Variants in INPP4B observed in about 807,000 individuals in gnomAD.
INPP4B encodes the protein inositol polyphosphate 4-phosphatase type II.
INPP4B carries 55 observed loss-of-function variants against 122.5 expected under a neutral mutation model. The observed-to-expected ratio is 0.45, with a 90% CI of 0.36 to 0.56. The LOEUF (loss-of-function observed/expected upper bound fraction) is 0.56. INPP4B is among the 20% of genes least tolerant of loss of function. The pLI is 0.00. For missense variants in INPP4B, 1,000 were observed against 1,097.7 expected (o/e 0.91, Z 1.26); for synonymous variants, 403 against 388.7 (o/e 1.04, Z -0.43).
intron 7 of INPP4B, among the ~76,000 whole-genome samples, chr4:142,333,021 A>C (rs374945719): frequency 0.01 from 1,526 of 150,454 alleles, 45 homozygotes; most frequent in African/African-American, 0.036. Context: ...AAAAAAAAAA[A>C]AAAAAACAAA....
intron 7 of INPP4B, among the ~76,000 whole-genome samples, chr4:142,379,570 A>G (rs769801311): frequency 6.6e-6 from 1 of 152,136 alleles, no homozygotes; most frequent in Non-Finnish European, 1.5e-5. Flanking sequence ...CATTCACATG[A>G]CTCCAAGGAA....
chr4:142,439,531 TG>T (rs1324159766), intron 3 of INPP4B, among the ~76,000 whole-genome samples: 2 of 152,238 alleles, frequency 1.3e-5, no homozygotes, highest in African/African-American at 2.4e-5. Context: ...TATTAATTTA[TG>T]TACCTATCTA....
At chr4:142,132,365 C>T (rs1357709690) in intron 18 of INPP4B, among the ~76,000 whole-genome samples, 1 of 151,976 alleles carries the variant, frequency 6.6e-6, no homozygotes, top group Non-Finnish European at 1.5e-5. Context: ...CCAGGCTGTG[C>T]ACAGGTCACT....
At chr4:142,621,276 T>C (rs1204327886) in intron 2 of INPP4B, among the ~76,000 whole-genome samples, 1 of 151,934 alleles carries the variant, frequency 6.6e-6, no homozygotes, top group Non-Finnish European at 1.5e-5. Context: ...GAATACTGTT[T>C]GTGAGAAACT....
intron 15 of INPP4B, among the ~76,000 whole-genome samples, chr4:142,184,906 T>C (rs1304741479): frequency 6.6e-6 from 1 of 152,134 alleles, no homozygotes; most frequent in Non-Finnish European, 1.5e-5. Flanking sequence ...CACCTTAGAT[T>C]TTCTCCTGCA....
At chr4:142,243,166 C>T (rs573704700) in intron 11 of INPP4B, among the ~76,000 whole-genome samples, 1 of 152,208 alleles carries the variant, frequency 6.6e-6, no homozygotes, top group South Asian at 2.1e-4. Flanking sequence ...ACTGAAAGAC[C>T]CCTTTATGTT....
chr4:142,732,512 CAG>C lies in INPP4B; in HGVS notation c.-253-6613_-253-6612del, dbSNP rs535998202. 3.1e-3 allele frequency among the ~76,000 whole-genome samples: 474 copies of C among 152,010 alleles called. 1 individual carries two copies. Among genetic ancestry groups the C allele is most frequent in the Non-Finnish European group, 5.5e-3 (377 of 67,952 alleles). The stretch of plus-strand genomic sequence containing the variant: ...GTAAATTTAGCAATGTTACTGAATT[CAG>C]AGTTATTTTACAAGAACAAATTATG... On this transcript the variant is annotated intron_variant, in intron 1 of 25. Coordinates refer to ENST00000262992, the MANE Select transcript of INPP4B (RefSeq NM_001101669.3).
intron 5 of INPP4B, among the ~76,000 whole-genome samples, chr4:142,411,768 T>C (rs1018451079): frequency 1.3e-5 from 2 of 152,156 alleles, no homozygotes; most frequent in African/African-American, 4.8e-5. Context: ...GATGCGCGTT[T>C]GTAATCCCAG....
chr4:142,072,839 A>G (rs1469554619), intron 25 of INPP4B, among the ~76,000 whole-genome samples: 1 of 152,060 alleles, frequency 6.6e-6, no homozygotes, highest in Non-Finnish European at 1.5e-5. Flanking sequence ...GACTTTACCA[A>G]CTGCTTACTA....
chr4:142,246,639 T>C (rs188264959), intron 11 of INPP4B, among the ~76,000 whole-genome samples: 122 of 152,328 alleles, frequency 8.0e-4, no homozygotes, highest in East Asian at 6.0e-3. Flanking sequence ...TTTTTGAACA[T>C]TGATTTTGTA....
chr4:142,146,522 C>T (rs1164426698), intron 17 of INPP4B, among the ~76,000 whole-genome samples: 1 of 152,162 alleles, frequency 6.6e-6, no homozygotes, highest in Non-Finnish European at 1.5e-5. Context: ...ACTCTGCACC[C>T]CTTACACACA....
At chr4:142,406,716 G>A (rs1419593015) in intron 5 of INPP4B, among the ~76,000 whole-genome samples, 1 of 152,102 alleles carries the variant, frequency 6.6e-6, no homozygotes, top group East Asian at 1.9e-4. Context: ...ACAGAAGAGA[G>A]CTTATGAAAG....
intron 2 of INPP4B, among the ~76,000 whole-genome samples, chr4:142,604,836 A>AGAG (rs1740874362): frequency 6.6e-6 from 1 of 152,094 alleles, no homozygotes; most frequent in South Asian, 2.1e-4. Context: ...TCAAAACACC[A>AGAG]ATGTCATTTT....
intron 2 of INPP4B, among the ~76,000 whole-genome samples, chr4:142,498,647 C>T (rs1051483524): frequency 7.2e-5 from 11 of 151,756 alleles, no homozygotes; most frequent in Non-Finnish European, 1.2e-4. Context: ...AAAAATTAGC[C>T]GGGTATGGTG....
Position 142,514,616 on chromosome 4 carries a change from C to G in INPP4B, c.-190-51890G>C, listed in dbSNP as rs1825171190. 2.0e-5 allele frequency: 3 copies of G among 152,024 alleles called. No individual in the cohort carries two copies. In the South Asian group the frequency reaches 6.2e-4, roughly 32 times the overall value. 9.4% of individuals were successfully genotyped at this position (152,024 alleles called of 1,614,324 possible). A position where few individuals can be genotyped will look rare whatever the true frequency, so the allele number is the denominator to read the frequency against. ...AATGGATGCTAATGGTAAGATCTTA[C>G]TGAAGCTACTTAGGTCAGCTTCAAT... On this transcript the variant is annotated intron_variant, in intron 2 of 25. Transcript: ENST00000262992.
chr4:142,201,010 T>C (rs1026947941), intron 14 of INPP4B, among the ~76,000 whole-genome samples: 1 of 152,102 alleles, frequency 6.6e-6, no homozygotes, highest in Non-Finnish European at 1.5e-5. Context: ...ATTCTGATTC[T>C]AACCACTCCT....
At chr4:142,246,579 A>C (rs1358592003) in intron 11 of INPP4B, among the ~76,000 whole-genome samples, 2 of 152,186 alleles carry the variant, frequency 1.3e-5, no homozygotes, top group African/African-American at 4.8e-5. Flanking sequence ...GAGTTCACTC[A>C]AGATTTGGCT....
intron 9 of INPP4B, among the ~76,000 whole-genome samples, chr4:142,273,546 A>G (rs1746929937): frequency 6.6e-6 from 1 of 151,930 alleles, no homozygotes; most frequent in Admixed American, 6.6e-5. Context: ...AAATAGATGA[A>G]TAATCAATGA....
chr4:142,637,350 T>C (rs573832778), intron 2 of INPP4B, among the ~76,000 whole-genome samples: 2 of 152,318 alleles, frequency 1.3e-5, no homozygotes, highest in South Asian at 2.1e-4. Context: ...TCATGCCTAT[T>C]CATCCCTCCT....
Sources: gnomAD v4.1 joint callset for allele counts (sites outside exome capture counted in the v4.1 genomes callset) on GRCh38, gnomAD v4.1.1 for gene constraint, MANE v1.5 for transcripts, NCBI Gene and HGNC (gene_info 2026-07-23, HGNC 2026-07-21) for gene names.